Variants in MORC3 observed in about 807,000 individuals in gnomAD.
MORC3 encodes MORC family CW-type zinc finger 3.
MORC3 carries 31 observed loss-of-function variants against 109.1 expected under a neutral mutation model. The ratio of observed to expected loss-of-function variants is 0.28; its 90% CI spans 0.21 to 0.38. The LOEUF is 0.38. MORC3 is among the 10% of genes least tolerant of loss of function. The pLI, the probability that MORC3 is intolerant of heterozygous loss-of-function variation, is 1.00. For synonymous variants in MORC3, 395 were observed against 380.7 expected (o/e 1.04, Z -0.44); for missense variants, 867 against 1,135.8 (o/e 0.76, Z 3.40).
Position 36,372,498 on chromosome 21 carries a change from T to C in MORC3, c.2633T>C (p.Ile878Thr). 2 of 1,595,290 alleles carry C rather than the reference T, an allele frequency of 1.3e-6. No homozygotes were observed. Among genetic ancestry groups the C allele is most frequent in the Non-Finnish European group, 8.5e-7 (1 of 1,175,964 alleles). Residue 878 changes from isoleucine to threonine, a missense_variant, in exon 16 of 17, where the codon ATT becomes ACT. Around this residue, in one of 7 missense-constraint regions of MORC3, gnomAD observed 486 missense variants for 502.1 expected, o/e 0.97. Transcript: ENST00000400485. Reference protein sequence around the residue: ...TATDVSTSSNIEESVNHMDGE... With the variant: ...TATDVSTSSNTEESVNHMDGE... The stretch of plus-strand genomic sequence containing the variant: ...ACAGATGTTTCAACATCAAGTAACA[T>C]TGAGGAGTCTGTAAATCATATGGAT...
In MORC3 at chr21:36,341,447, C is replaced by G; in HGVS notation, c.657C>G (p.Ile219Met). The change falls in exon 6 of 17, where the codon ATC (isoleucine) becomes ATG (methionine). Residue 219 changes from isoleucine to methionine, a missense_variant. By Grantham distance (10) the Ile-to-Met change is conservative. Around this residue, in one of 7 missense-constraint regions of MORC3, gnomAD observed 134 missense variants for 166.6 expected, o/e 0.80. Coordinates refer to ENST00000400485, the MANE Select transcript of MORC3 (RefSeq NM_015358.3). Reference sequence around the variant, plus strand: ...ATTTTGAAAAGGATAAATATGATATCAGAATTCCCGAGGATTTAGATGAGA... The same window carrying G: ...ATTTTGAAAAGGATAAATATGATATGAGAATTCCCGAGGATTTAGATGAGA... ...EFDFEKDKYD[I>M]RIPEDLDEIT... The G allele has an allele frequency of 1.2e-6, 2 of 1,612,786 alleles. No homozygotes were observed. The highest frequency in any genetic ancestry group is 1.7e-6 in the Non-Finnish European group (2 of 1,179,724).
At chr21:36,374,401 G>A (rs930395118) in intron 16 of MORC3, among the ~76,000 whole-genome samples, 2 of 151,944 alleles carry the variant, frequency 1.3e-5, no homozygotes, top group African/African-American at 4.8e-5. Context: ...TAAAAAAAAA[G>A]CTGCTTTAAC....
In MORC3 at chr21:36,344,939, T is replaced by C. The variant is rs990266874; in HGVS notation, c.913T>C (p.Phe305Leu). ...LSKTVRITFGFNCRNKDHYGI... is the reference protein window; with the variant it reads ...LSKTVRITFGLNCRNKDHYGI... ...TAAAACAGTGAGAATTACCTTTGGA[T>C]TCAACTGCAGAAATAAAGATCATTA... is the stretch of plus-strand genomic sequence containing the variant. The change falls in exon 8 of 17, where the codon TTC (phenylalanine) becomes CTC (leucine). Residue 305 changes from phenylalanine to leucine, a missense_variant. Around this residue, in one of 7 missense-constraint regions of MORC3, gnomAD observed 120 missense variants for 259.7 expected, o/e 0.46. Coordinates refer to ENST00000400485, the MANE Select transcript of MORC3 (RefSeq NM_015358.3). 4 of 1,612,074 alleles carry C rather than the reference T, an allele frequency of 2.5e-6. No individual in the cohort carries two copies. The African/African-American group carries it at 5.3e-5, about 22-fold the overall frequency.
chr21:36,369,978 C>A, intron 15 of MORC3, 102 bp downstream of exon 15: 2 of 1,387,316 alleles, frequency 1.4e-6, no homozygotes, highest in Admixed American at 4.3e-5. Flanking sequence ...TGTAATCCCA[C>A]CACTTGGGGA....
At chr21:36,357,163 C>A (rs1011244624) in intron 10 of MORC3, among the ~76,000 whole-genome samples, 4 of 152,016 alleles carry the variant, frequency 2.6e-5, no homozygotes, top group African/African-American at 9.7e-5. Flanking sequence ...TTTGCCTCCT[C>A]GAATTATATG....
chr21:36,334,187 T>G (rs1047124809), intron 2 of MORC3, among the ~76,000 whole-genome samples: 2 of 151,896 alleles, frequency 1.3e-5, no homozygotes, highest in African/African-American at 4.8e-5. Flanking sequence ...ACCGGGAAGT[T>G]GAGGCTGCAA....
chr21:36,362,335 G>A lies in MORC3; in HGVS notation c.1452+107G>A, dbSNP rs566758897. The A allele has an allele frequency of 3.0e-5, 38 of 1,254,488 alleles. No individual in the cohort carries two copies. In the African/African-American group the frequency reaches 5.2e-4, roughly 17 times the overall value. 77.7% of individuals were successfully genotyped at this position (1,254,488 alleles called of 1,614,324 possible). ...AGGCAGGTGGATCACCTGAGGTCAG[G>A]AGTTCAAGACCAGCCTGGCCAACAT... On this transcript the variant is annotated intron_variant, in intron 13 of 16. Coordinates refer to ENST00000400485, the MANE Select transcript of MORC3 (RefSeq NM_015358.3).
intron 8 of MORC3, among the ~76,000 whole-genome samples, chr21:36,346,246 T>A (rs1246993147): frequency 6.6e-6 from 1 of 152,206 alleles, no homozygotes; most frequent in Non-Finnish European, 1.5e-5. Flanking sequence ...CTCAAACTCC[T>A]GAACTCAAGT....
chr21:36,332,496 G>A (rs1004566601), intron 1 of MORC3, among the ~76,000 whole-genome samples: 12 of 152,118 alleles, frequency 7.9e-5, no homozygotes, highest in Non-Finnish European at 1.5e-4. Context: ...GGCCTGCAAC[G>A]TGATCAGGCA....
At chr21:36,326,880 A>T (rs754163977) in intron 1 of MORC3, among the ~76,000 whole-genome samples, 5 of 150,532 alleles carry the variant, frequency 3.3e-5, no homozygotes, top group African/African-American at 4.9e-5. Context: ...CATTGGTGCG[A>T]TCTCGGCTCA....
At chr21:36,346,326 T>C (rs1335317140) in intron 8 of MORC3, among the ~76,000 whole-genome samples, 1 of 152,192 alleles carries the variant, frequency 6.6e-6, no homozygotes, top group African/African-American at 2.4e-5. Flanking sequence ...GCCTAGTATA[T>C]TAATTTTGTA....
chr21:36,359,665 C>T (rs1488789351), intron 10 of MORC3, among the ~76,000 whole-genome samples: 1 of 150,638 alleles, frequency 6.6e-6, no homozygotes, highest in Non-Finnish European at 1.5e-5. Flanking sequence ...GCAATCCTCC[C>T]ACCTCAGCCT....
At chr21:36,335,926 C>CTT (rs1200599133) in intron 2 of MORC3, among the ~76,000 whole-genome samples, 2 of 151,428 alleles carry the variant, frequency 1.3e-5, no homozygotes, top group African/African-American at 2.4e-5. Flanking sequence ...CTCTTTTTTT[C>CTT]TTTTTTTTCC....
intron 1 of MORC3, among the ~76,000 whole-genome samples, chr21:36,327,508 C>G (rs1451099930): frequency 6.6e-6 from 1 of 151,112 alleles, no homozygotes; most frequent in Admixed American, 6.6e-5. Context: ...AGTAAGTGTT[C>G]TAGTGAACTG....
Position 36,375,448 on chromosome 21 carries a change from A to T in MORC3, c.*152A>T. ...TATGCATTCAAATGTGGTCACAAAT[A>T]TTGTGGACACATTATCTTATGTTTT... On this transcript the variant is annotated 3_prime_UTR_variant, in exon 17 of 17. Transcript: ENST00000400485. The T allele has an allele frequency of 1.5e-6, 1 of 652,446 alleles. No homozygotes were observed. The highest frequency in any genetic ancestry group is 2.5e-6 in the Non-Finnish European group (1 of 405,416). 40.4% of individuals were successfully genotyped at this position (652,446 alleles called of 1,614,324 possible). A position where few individuals can be genotyped will look rare whatever the true frequency, so the allele number is the denominator to read the frequency against.
chr21:36,331,113 G>A (rs935265364), intron 1 of MORC3, among the ~76,000 whole-genome samples: 2 of 152,110 alleles, frequency 1.3e-5, no homozygotes, highest in African/African-American at 4.8e-5. Flanking sequence ...ACACCTTGTG[G>A]CAGCACGTGA....
At chr21:36,321,406 T>G (rs2085192202) in intron 1 of MORC3, among the ~76,000 whole-genome samples, 1 of 152,220 alleles carries the variant, frequency 6.6e-6, no homozygotes, top group South Asian at 2.1e-4. Context: ...TTTTCTGTTT[T>G]TCTTTTGGGA....
In MORC3 at chr21:36,338,825, A is replaced by T. The variant is rs774035828; in HGVS notation, c.512A>T (p.Glu171Val). The T allele has an allele frequency of 6.2e-7, 1 of 1,614,024 alleles. No individual in the cohort carries two copies. The highest frequency in any genetic ancestry group is 1.1e-5 in the South Asian group (1 of 91,082). The change falls in exon 5 of 17, where the codon GAA becomes GTA. Residue 171 changes from glutamate to valine, a missense_variant. Glu to Val is a moderately radical substitution (Grantham distance 121). Coordinates refer to ENST00000400485, the MANE Select transcript of MORC3 (RefSeq NM_015358.3). Reference sequence around the variant, plus strand: ...AAAGCCAGCCTTGCTGCAATTCTGGAACATTCTCTGTTTTCCACGGAACAG... The same window carrying T: ...AAAGCCAGCCTTGCTGCAATTCTGGTACATTCTCTGTTTTCCACGGAACAG... Reference protein sequence around the residue: ...ESKASLAAILEHSLFSTEQKL... With the variant: ...ESKASLAAILVHSLFSTEQKL...
chr21:36,334,499 C>G (rs1255894047), intron 2 of MORC3, among the ~76,000 whole-genome samples: 1 of 152,008 alleles, frequency 6.6e-6, no homozygotes, highest in African/African-American at 2.4e-5. Context: ...GAGGTCTCAC[C>G]ATGTTGTCCA....
Sources: allele counts gnomAD v4.1 joint callset (sites outside exome capture counted in the v4.1 genomes callset), GRCh38; gene constraint gnomAD v4.1.1; regional missense constraint gnomAD v4.1.1; transcripts MANE v1.5; gene names NCBI Gene and HGNC (gene_info 2026-07-23, HGNC 2026-07-21).